The following NR6A1 variants were observed in gnomAD, a reference collection of about 807,000 sequenced individuals.
NR6A1 encodes retinoic acid receptor-related testis-associated receptor.
Under a neutral mutation model 59.1 loss-of-function variants are expected in NR6A1, and 7 were observed. The ratio of observed to expected loss-of-function variants is 0.12; its 90% CI spans 0.07 to 0.22. The LOEUF is 0.22. Ranked by LOEUF, NR6A1 falls within the 10% of genes least tolerant of loss-of-function variation. The pLI is 1.00. For synonymous variants in NR6A1, 243 were observed against 236.1 expected (o/e 1.03, Z -0.27); for missense variants, 468 against 611.6 (o/e 0.77, Z 2.48).
intron 2 of NR6A1, among the ~76,000 whole-genome samples, chr9:124,625,941 C>A (rs1179660653): frequency 6.6e-6 from 1 of 152,226 alleles, no homozygotes; most frequent in Non-Finnish European, 1.5e-5. Flanking sequence ...GACCTTCAGA[C>A]TGCAAATGCA....
At chr9:124,613,329 T>C (rs1474835392) in intron 2 of NR6A1, among the ~76,000 whole-genome samples, 5 of 151,894 alleles carry the variant, frequency 3.3e-5, no homozygotes, top group Admixed American at 2.0e-4. Context: ...AGCAACCCTG[T>C]CTCTAAAATA....
At chr9:124,658,941 A>G (rs903703720) in intron 2 of NR6A1, among the ~76,000 whole-genome samples, 6 of 152,228 alleles carry the variant, frequency 3.9e-5, no homozygotes. Flanking sequence ...GGAGAGAGTT[A>G]TGAAGTCAGT....
intron 2 of NR6A1, among the ~76,000 whole-genome samples, chr9:124,731,074 T>G (rs980220944): frequency 6.6e-6 from 1 of 152,000 alleles, no homozygotes; most frequent in African/African-American, 2.4e-5. Flanking sequence ...CAAAAATGCT[T>G]CTAAGAAAGG....
intron 2 of NR6A1, among the ~76,000 whole-genome samples, chr9:124,566,485 G>A (rs1422441253): frequency 6.6e-6 from 1 of 152,236 alleles, no homozygotes; most frequent in Non-Finnish European, 1.5e-5. Flanking sequence ...CAAACGCAAG[G>A]TGTGTTTGAG....
Position 124,583,845 on chromosome 9 carries a change from C to A in NR6A1, c.143-29275G>T, listed in dbSNP as rs925969795. 4.6e-5 allele frequency among the ~76,000 whole-genome samples: 7 copies of A among 152,180 alleles called. No individual in the cohort carries two copies. In the East Asian group the frequency reaches 1.3e-3, roughly 29 times the overall value. On this transcript the variant is annotated intron_variant, in intron 2 of 9. Transcript: ENST00000487099. ...CACAACTTCTGTACTCACAAATGAGCACTCTGCCCTCTGCACAGCTTCTGT... is the reference window on the plus strand; with the variant it reads ...CACAACTTCTGTACTCACAAATGAGAACTCTGCCCTCTGCACAGCTTCTGT...
chr9:124,553,549 CT>C (rs780925768), intron 3 of NR6A1, among the ~76,000 whole-genome samples: 2,303 of 47,296 alleles, frequency 0.049, 7 homozygotes, highest in Middle Eastern at 0.12. Flanking sequence ...TTTAGCTTGA[CT>C]TTTTTTTTTT....
chr9:124,731,904 G>T (rs113592027), intron 2 of NR6A1, among the ~76,000 whole-genome samples: 1,607 of 152,224 alleles, frequency 0.011, 11 homozygotes, highest in Middle Eastern at 0.017. Flanking sequence ...TTTCAACTGT[G>T]CAGGGGGTTG....
intron 2 of NR6A1, among the ~76,000 whole-genome samples, chr9:124,703,950 C>T (rs1452792104): frequency 2.6e-5 from 4 of 152,162 alleles, no homozygotes; most frequent in Admixed American, 2.6e-4. Flanking sequence ...CCAAGTAAGC[C>T]ACTGCACCCA....
At chr9:124,666,518 A>C (rs762546971) in intron 2 of NR6A1, among the ~76,000 whole-genome samples, 4 of 152,086 alleles carry the variant, frequency 2.6e-5, no homozygotes, top group Non-Finnish European at 5.9e-5. Context: ...GGCTCAAGCA[A>C]TCCACCCGCC....
intron 2 of NR6A1, among the ~76,000 whole-genome samples, chr9:124,585,795 G>C (rs927800959): frequency 1.3e-5 from 2 of 152,112 alleles, no homozygotes; most frequent in African/African-American, 2.4e-5. Context: ...GTGACTTTAA[G>C]TTGATGCCAA....
Position 124,659,429 on chromosome 9 carries a change from T to C in NR6A1, c.142+73879A>G, listed in dbSNP as rs561063291. ...CCTCTGAAGCAGTCTTGCCAGAGCC[T>C]AGTGAGGGAGAGAAGTATGGTAAAT... On this transcript the variant is annotated intron_variant, in intron 2 of 9. Coordinates refer to ENST00000487099, the MANE Select transcript of NR6A1 (RefSeq NM_033334.4). Among the ~76,000 whole-genome samples the C allele has an allele frequency of 2.6e-5, 4 of 152,268 alleles. No individual in the cohort carries two copies. The East Asian group carries it at 7.7e-4, about 29-fold the overall frequency.
At chr9:124,713,939 T>G (rs1194339842) in intron 2 of NR6A1, among the ~76,000 whole-genome samples, 2 of 152,222 alleles carry the variant, frequency 1.3e-5, no homozygotes, top group African/African-American at 4.8e-5. Context: ...CATCCATGTA[T>G]ACTCATGTTT....
intron 2 of NR6A1, among the ~76,000 whole-genome samples, chr9:124,606,713 C>T (rs114349398): frequency 6.6e-6 from 1 of 152,238 alleles, no homozygotes; most frequent in African/African-American, 2.4e-5. Flanking sequence ...TCTTTAATAA[C>T]ACAACTCTAT....
Position 124,703,244 on chromosome 9 carries a change from G to A in NR6A1, c.142+30064C>T, listed in dbSNP as rs557613835. ...TTTTTTTTTTTTGAGACAGGATCTC[G>A]CTCTGTCACCCAGCCTGGAGTATAG... On this transcript the variant is annotated intron_variant, in intron 2 of 9. Transcript: ENST00000487099. Among the ~76,000 whole-genome samples, 31 of 121,016 alleles carry A rather than the reference G, an allele frequency of 2.6e-4. 1 individual carries two copies. The South Asian group carries it at 6.6e-3, about 26-fold the overall frequency. 79.4% of individuals were successfully genotyped at this position (121,016 alleles called of 152,430 possible). A position where few individuals can be genotyped will look rare whatever the true frequency, so the allele number is the denominator to read the frequency against.
chr9:124,591,892 C>T (rs1279402023), intron 2 of NR6A1, among the ~76,000 whole-genome samples: 2 of 152,050 alleles, frequency 1.3e-5, no homozygotes, highest in African/African-American at 4.8e-5. Flanking sequence ...TGACTTTTCA[C>T]ACAGCTAAAA....
intron 1 of NR6A1, among the ~76,000 whole-genome samples, chr9:124,738,169 G>A (rs556646962): frequency 2.0e-5 from 3 of 151,834 alleles, no homozygotes; most frequent in Non-Finnish European, 4.4e-5. Flanking sequence ...CAAGAGAATA[G>A]CTTTAACCTG....
At position 124,598,701 on chromosome 9, in the gene NR6A1, C is replaced by CGAT. The variant is rs951771032; in HGVS notation, c.143-44134_143-44132dup. 8 of 556,742 alleles carry CGAT rather than the reference C, an allele frequency of 1.4e-5. No homozygotes were observed. In the African/African-American group the frequency reaches 1.8e-4, roughly 12 times the overall value. The allele number at this position is 556,742 out of a possible 1,614,324, so 34.5% of individuals were successfully genotyped here. On this transcript the variant is annotated intron_variant, in intron 2 of 9. Transcript: ENST00000487099. Reference sequence around the variant, plus strand: ...AGGGAAAGAGAGGAAAAAAATAAGACGATTTATTGTTTCTCCTCAGCATCC... The same window carrying CGAT: ...AGGGAAAGAGAGGAAAAAAATAAGACGATGATTTATTGTTTCTCCTCAGCATCC...
chr9:124,546,095 A>G (rs887824910), intron 3 of NR6A1, among the ~76,000 whole-genome samples: 2 of 152,262 alleles, frequency 1.3e-5, no homozygotes, highest in Non-Finnish European at 2.9e-5. Context: ...AGCCTGGGCA[A>G]CAAGAGCAAA....
At chr9:124,601,616 G>A (rs13299266) in intron 2 of NR6A1, among the ~76,000 whole-genome samples, 2 of 133,880 alleles carry the variant, frequency 1.5e-5, no homozygotes, top group Admixed American at 7.6e-5. Flanking sequence ...AAAAAGAAAA[G>A]AAAAGAAAAA....
Sources: allele counts gnomAD v4.1 joint callset (sites outside exome capture counted in the v4.1 genomes callset), GRCh38; gene constraint gnomAD v4.1.1; transcripts MANE v1.5; gene names NCBI Gene and HGNC (gene_info 2026-07-23, HGNC 2026-07-21).